The following CMTM4 variants were observed in gnomAD, a reference collection of about 807,000 sequenced individuals.
CMTM4 encodes the protein CKLF like MARVEL transmembrane domain containing 4, also known as CKLF-like MARVEL transmembrane domain-containing protein 4.
CMTM4 carries 8 observed loss-of-function variants against 19.0 expected under a neutral mutation model. The ratio of observed to expected loss-of-function variants is 0.42; its 90% CI spans 0.25 to 0.76. CMTM4 has a LOEUF of 0.76. Among genes scored for constraint, CMTM4 ranks in the 30% least tolerant of loss-of-function variants. The probability of loss-of-function intolerance (pLI) is 0.27; values close to 1 mark genes in which losing one functional copy is unlikely to be tolerated. For missense variants in CMTM4, 228 were observed against 290.2 expected, an observed-to-expected ratio of 0.79 and a Z score of 1.56; for synonymous variants, 106 against 121.1, an observed-to-expected ratio of 0.88 and a Z score of 0.82.
At chr16:66,683,140 T>C (rs1235453719) in intron 1 of CMTM4, among the ~76,000 whole-genome samples, 26 of 130,382 alleles carry the variant, frequency 2.0e-4, no homozygotes, top group South Asian at 2.5e-4. Flanking sequence ...TATATATATA[T>C]ATATATGTAT....
the CMTM4 span, among the ~76,000 whole-genome samples, chr16:66,599,773 A>T: frequency 4.6e-5 from 7 of 152,170 alleles, no homozygotes; most frequent in Non-Finnish European, 8.8e-5. Flanking sequence ...AACTGGAGAA[A>T]ACTAAGTGTC....
intron 1 of CMTM4, among the ~76,000 whole-genome samples, chr16:66,644,744 C>A (rs547692944): frequency 6.6e-6 from 1 of 152,330 alleles, no homozygotes; most frequent in Admixed American, 6.5e-5. Flanking sequence ...TCCTTCCCTG[C>A]CACAGCAGCC....
chr16:66,623,614 T>C, intron 2 of CMTM4, 112 bp from the exon 3 acceptor site: 1 of 645,616 alleles, frequency 1.5e-6, no homozygotes, highest in Non-Finnish European at 2.6e-6. Context: ...CCCTGGTGGC[T>C]CCATATTTCA....
At chr16:66,605,649 C>T in the CMTM4 span, 1 of 153,620 alleles carries the variant, frequency 6.5e-6, no homozygotes, top group Admixed American at 6.5e-5. The surrounding 1 kb of genome is among the most constrained non-coding windows in gnomAD (Gnocchi z 4.6). Context: ...GAGAGCGGCG[C>T]ACGGCGGCGG....
rs905398942 is a variant in CMTM4, at chr16:66,617,126, T to A, written c.*4932A>T. 2 of 687,826 alleles carry A rather than the reference T, an allele frequency of 2.9e-6. No individual in the cohort carries two copies. The allele number at this position is 687,826 out of a possible 1,614,324, so 42.6% of individuals were successfully genotyped here. ...CAAGCCAAAGGCTCCCTGGCCTTTGTGTATTATGCATCCCAAAGAAAACAC... is the reference window on the plus strand; with the variant it reads ...CAAGCCAAAGGCTCCCTGGCCTTTGAGTATTATGCATCCCAAAGAAAACAC... On this transcript the variant is annotated 3_prime_UTR_variant, in exon 4 of 4. Coordinates refer to ENST00000394106, the MANE Select transcript of CMTM4 (RefSeq NM_181521.3).
intron 1 of CMTM4, among the ~76,000 whole-genome samples, chr16:66,657,968 C>T (rs1180074574): frequency 3.3e-5 from 5 of 152,192 alleles, no homozygotes; most frequent in Non-Finnish European, 1.5e-5. Context: ...TGCCTATAAT[C>T]CCAGCACTTT....
chr16:66,693,269 T>C (rs1298626552), intron 1 of CMTM4, among the ~76,000 whole-genome samples: 1 of 152,038 alleles, frequency 6.6e-6, no homozygotes, highest in Non-Finnish European at 1.5e-5. Context: ...TTTTTAGACA[T>C]GGGATCTTGC....
At chr16:66,680,961 T>C (rs1427085639) in intron 1 of CMTM4, among the ~76,000 whole-genome samples, 1 of 152,104 alleles carries the variant, frequency 6.6e-6, no homozygotes, top group South Asian at 2.1e-4. Context: ...CTCAAAGCCA[T>C]TGCACACACC....
chr16:66,622,062 G>A lies in CMTM4; in HGVS notation c.623C>T (p.Thr208Met), dbSNP rs773825686. ...DSRPEIQRLD[T>M] ...GAGGAGGATCCAGGCAGGTCCTCAC[G>A]TGTCCAGGCGCTGGATCTCAGGGCG... Residue 208 changes from threonine to methionine, a missense_variant, in exon 4 of 4, where the codon ACG (threonine) becomes ATG (methionine). Around this residue, in one of 3 missense-constraint regions of CMTM4, gnomAD observed 7 missense variants for 20.5 expected, o/e 0.34. Transcript: ENST00000394106. The surrounding 1 kb of genome is among the most constrained non-coding windows in gnomAD (Gnocchi z 4.0). The A allele has an allele frequency of 5.7e-6, 9 of 1,565,794 alleles. No individual in the cohort carries two copies. Among genetic ancestry groups the A allele is most frequent in the African/African-American group, 2.7e-5 (2 of 74,002 alleles).
At chr16:66,682,383 CT>C (rs113106474) in intron 1 of CMTM4, among the ~76,000 whole-genome samples, 40 of 146,282 alleles carry the variant, frequency 2.7e-4, no homozygotes, top group East Asian at 4.0e-4. Context: ...GGTTGTTTTT[CT>C]TTTTTTTTTT....
Position 66,617,881 on chromosome 16 carries a change from A to G in CMTM4, c.*4177T>C, listed in dbSNP as rs940108747. 4 of 988,660 alleles carry G rather than the reference A, an allele frequency of 4.0e-6. No individual in the cohort carries two copies. Among genetic ancestry groups the G allele is most frequent in the Non-Finnish European group, 4.8e-6 (4 of 832,188 alleles). The allele number at this position is 988,660 out of a possible 1,614,324, so 61.2% of individuals were successfully genotyped here. Reference sequence around the variant, plus strand: ...GCATCCCACTCTTGCCCTCAAGCTGACTGTGGAACGCGAGACAGCTTTCAA... The same window carrying G: ...GCATCCCACTCTTGCCCTCAAGCTGGCTGTGGAACGCGAGACAGCTTTCAA... On this transcript the variant is annotated 3_prime_UTR_variant, in exon 4 of 4. Coordinates refer to ENST00000394106, the MANE Select transcript of CMTM4 (RefSeq NM_181521.3).
chr16:66,623,529 G>A (rs759336180), intron 2 of CMTM4, 27 bp from the exon 3 acceptor site: 39 of 1,517,912 alleles, frequency 2.6e-5, no homozygotes, highest in Non-Finnish European at 3.2e-5. Context: ...AATAAACCAA[G>A]TGAAAAGAAC....
At chr16:66,656,666 C>T (rs200941697) in intron 1 of CMTM4, among the ~76,000 whole-genome samples, 2 of 149,776 alleles carry the variant, frequency 1.3e-5, no homozygotes, top group African/African-American at 4.9e-5. Flanking sequence ...AAAAAAAAAA[C>T]AGTAACTCAA....
chr16:66,620,118 G>A lies in CMTM4; in HGVS notation c.*1940C>T, dbSNP rs1483247859. On this transcript the variant is annotated 3_prime_UTR_variant, in exon 4 of 4. Coordinates refer to ENST00000394106, the MANE Select transcript of CMTM4 (RefSeq NM_181521.3). The stretch of plus-strand genomic sequence containing the variant: ...AAAGATGGCCTTTTTTGGGGGCCAA[G>A]TAACATGATTCCCAGCAGGAGATTT... The A allele has an allele frequency of 4.1e-6, 4 of 985,462 alleles. No homozygotes were observed. In the African/African-American group the frequency reaches 7.0e-5, roughly 17 times the overall value. The allele number at this position is 985,462 out of a possible 1,614,324, so 61.0% of individuals were successfully genotyped here.
chr16:66,693,157 G>A (rs2017167863), intron 1 of CMTM4, among the ~76,000 whole-genome samples: 1 of 152,224 alleles, frequency 6.6e-6, no homozygotes, highest in South Asian at 2.1e-4. Context: ...CCAGGAGGCG[G>A]AGATTGCAGT....
chr16:66,662,167 A>G (rs931987823), intron 1 of CMTM4, among the ~76,000 whole-genome samples: 2 of 152,134 alleles, frequency 1.3e-5, no homozygotes, highest in African/African-American at 2.4e-5. Context: ...AAGTAGGTAC[A>G]CTCCAGCCTG....
chr16:66,605,830 C>G, the CMTM4 span, among the ~76,000 whole-genome samples: 2 of 152,206 alleles, frequency 1.3e-5, no homozygotes, highest in East Asian at 3.9e-4. The surrounding 1 kb of genome is among the most constrained non-coding windows in gnomAD (Gnocchi z 4.6). Flanking sequence ...GGACCTCTCC[C>G]TGGTCACTCA....
chr16:66,624,082 A>G (rs1348139997), intron 2 of CMTM4, among the ~76,000 whole-genome samples: 2 of 152,248 alleles, frequency 1.3e-5, no homozygotes, highest in Admixed American at 1.3e-4. Context: ...AGAAGGGAAC[A>G]TAGCAGGGTA....
At chr16:66,667,538 A>C (rs560863343) in intron 1 of CMTM4, among the ~76,000 whole-genome samples, 2 of 152,228 alleles carry the variant, frequency 1.3e-5, no homozygotes, top group Non-Finnish European at 2.9e-5. Context: ...TTCAAAATGC[A>C]TATCAGCTTC....
Sources: allele counts gnomAD v4.1 joint callset (sites outside exome capture counted in the v4.1 genomes callset), GRCh38; gene constraint gnomAD v4.1.1; regional missense constraint gnomAD v4.1.1; non-coding constraint Gnocchi (gnomAD v3.1); transcripts MANE v1.5; gene names NCBI Gene and HGNC (gene_info 2026-07-23, HGNC 2026-07-21).